The following CCSER2 variants were observed in gnomAD, a reference collection of about 807,000 sequenced individuals.
The protein encoded by CCSER2 is coiled-coil serine rich protein 2.
A neutral mutation model predicts 92.3 loss-of-function variants in CCSER2; 46 were observed. That is an observed-to-expected ratio of 0.50 (90% CI 0.39 to 0.64). The LOEUF is 0.64. Among genes scored for constraint, CCSER2 ranks in the 30% least tolerant of loss-of-function variants. The pLI is 0.00. For synonymous variants in CCSER2, 433 were observed against 431.4 expected, an observed-to-expected ratio of 1.00 and a Z score of -0.04; for missense variants, 1,244 against 1,238.9, an observed-to-expected ratio of 1.00 and a Z score of -0.06.
intron 5 of CCSER2, among the ~76,000 whole-genome samples, chr10:84,429,036 C>T (rs1448821079): frequency 2.1e-5 from 3 of 143,710 alleles, no homozygotes; most frequent in African/African-American, 8.1e-5. Context: ...AAATACTGGT[C>T]TGTAGTTTTG....
chr10:84,446,440 G>C (rs1197864779), intron 6 of CCSER2, among the ~76,000 whole-genome samples: 1 of 152,102 alleles, frequency 6.6e-6, no homozygotes, highest in Non-Finnish European at 1.5e-5. Flanking sequence ...AGTGGCAGTG[G>C]TAGGTGGTGG....
chr10:84,416,539 C>T (rs1016521234), intron 3 of CCSER2, among the ~76,000 whole-genome samples: 28 of 152,250 alleles, frequency 1.8e-4, no homozygotes, highest in African/African-American at 6.3e-4. Context: ...GAGGGCCCAA[C>T]ACAAAATTGA....
At chr10:84,420,180 G>C (rs1449998030) in intron 4 of CCSER2, among the ~76,000 whole-genome samples, 1 of 152,216 alleles carries the variant, frequency 6.6e-6, no homozygotes, top group Non-Finnish European at 1.5e-5. Flanking sequence ...GCAGACAACA[G>C]AAAGTTACCC....
chr10:84,438,394 GC>G, intron 5 of CCSER2, 117 bp from the exon 6 acceptor site: 1 of 626,534 alleles, frequency 1.6e-6, no homozygotes, highest in Non-Finnish European at 2.7e-6. Flanking sequence ...GGAAGTCAGA[GC>G]CATGGTGATA....
chr10:84,332,924 T>G (rs1462129582), intron 1 of CCSER2, among the ~76,000 whole-genome samples: 2 of 152,222 alleles, frequency 1.3e-5, no homozygotes, highest in Non-Finnish European at 2.9e-5. Flanking sequence ...CATTTTGTTA[T>G]GTATATATAT....
In CCSER2 at chr10:84,510,246, A is replaced by G. The variant is rs539963558; in HGVS notation, c.2326-3203A>G. Reference sequence around the variant, plus strand: ...CATGTACTAGCTCATTACACAGAATATTCTTCCCTTCTTGTTTATTTGATA... The same window carrying G: ...CATGTACTAGCTCATTACACAGAATGTTCTTCCCTTCTTGTTTATTTGATA... On this transcript the variant is annotated intron_variant, in intron 9 of 9. Transcript: ENST00000372088. Among the ~76,000 whole-genome samples, 9 of 152,276 alleles carry G rather than the reference A, an allele frequency of 5.9e-5. No individual in the cohort carries two copies. In the East Asian group the frequency reaches 1.7e-3, roughly 29 times the overall value.
At chr10:84,436,972 G>A (rs1239395417) in intron 5 of CCSER2, among the ~76,000 whole-genome samples, 1 of 152,092 alleles carries the variant, frequency 6.6e-6, no homozygotes, top group Non-Finnish European at 1.5e-5. Flanking sequence ...TGGAATTTTT[G>A]CACATTTAAT....
intron 8 of CCSER2, 51 bp from the exon 9 acceptor site, chr10:84,477,512 TTGTGTGTCTTGG>T: frequency 2.5e-6 from 2 of 800,332 alleles, no homozygotes; most frequent in African/African-American, 3.5e-5. Flanking sequence ...AAAGTTTCTC[TTGTGTGTCTTGG>T]TGTGTATATG....
intron 3 of CCSER2, among the ~76,000 whole-genome samples, chr10:84,416,533 G>C (rs1243586731): frequency 6.6e-6 from 1 of 152,056 alleles, no homozygotes; most frequent in East Asian, 1.9e-4. Flanking sequence ...TCTTTGGAGG[G>C]CCCAACACAA....
At chr10:84,504,963 C>T (rs1848965695) in intron 9 of CCSER2, among the ~76,000 whole-genome samples, 1 of 152,062 alleles carries the variant, frequency 6.6e-6, no homozygotes, top group Admixed American at 6.5e-5. Context: ...AATGACTCTT[C>T]CTTCAAAATG....
intron 6 of CCSER2, among the ~76,000 whole-genome samples, chr10:84,449,839 C>T (rs1845165053): frequency 6.6e-6 from 1 of 152,214 alleles, no homozygotes; most frequent in Admixed American, 6.5e-5. Flanking sequence ...AAGAGCAAAA[C>T]TCCGTCTCAA....
chr10:84,415,408 A>AAGGGCTGCTG (rs1842842895), intron 3 of CCSER2, among the ~76,000 whole-genome samples: 1 of 152,136 alleles, frequency 6.6e-6, no homozygotes, highest in South Asian at 2.1e-4. Context: ...TACTCCTCCA[A>AAGGGCTGCTG]AGGGCTGCTG....
chr10:84,358,864 C>T (rs943340081), intron 1 of CCSER2, among the ~76,000 whole-genome samples: 2 of 152,086 alleles, frequency 1.3e-5, no homozygotes, highest in Non-Finnish European at 2.9e-5. Flanking sequence ...TAATCGCTAA[C>T]ATTTTCCTTT....
chr10:84,382,998 T>TAGTCACAAGGTA (rs1288312691), intron 3 of CCSER2, among the ~76,000 whole-genome samples: 1 of 152,246 alleles, frequency 6.6e-6, no homozygotes, highest in Admixed American at 6.5e-5. Flanking sequence ...TTCTACCTTG[T>TAGTCACAAGGTA]GACTGATACA....
At chr10:84,391,040 C>T (rs928946747) in intron 3 of CCSER2, 2 of 776,664 alleles carry the variant, frequency 2.6e-6, no homozygotes, top group African/African-American at 3.4e-5. Context: ...TTAGCAGATT[C>T]AGTAGGACAT....
At chr10:84,410,969 A>G (rs909545160) in intron 3 of CCSER2, among the ~76,000 whole-genome samples, 3 of 152,086 alleles carry the variant, frequency 2.0e-5, no homozygotes, top group African/African-American at 4.8e-5. Context: ...TCCAGTTTCA[A>G]TTTTCTGCGT....
chr10:84,449,016 G>A (rs10887293), intron 6 of CCSER2, among the ~76,000 whole-genome samples: 7,063 of 152,210 alleles, frequency 0.046, 237 homozygotes, highest in East Asian at 0.16. Context: ...TTTAGTTGTG[G>A]AATAATTGGG....
At chr10:84,484,006 T>C (rs1402695226) in intron 9 of CCSER2, among the ~76,000 whole-genome samples, 3 of 133,050 alleles carry the variant, frequency 2.3e-5, no homozygotes. Context: ...TAATTTTTTT[T>C]TTTTTTTGAG....
In CCSER2 at chr10:84,518,298, C is replaced by G. The variant is rs937897699; in HGVS notation, c.*4031C>G. 2.6e-5 allele frequency: 4 copies of G among 152,538 alleles called. No individual in the cohort carries two copies. Among genetic ancestry groups the G allele is most frequent in the African/African-American group, 4.8e-5 (2 of 41,430 alleles). 9.4% of individuals were successfully genotyped at this position (152,538 alleles called of 1,614,324 possible). On this transcript the variant is annotated 3_prime_UTR_variant, in exon 10 of 10. Coordinates refer to ENST00000372088, the MANE Select transcript of CCSER2 (RefSeq NM_001284240.2). ...CACTTTCTCCTTGGTAAAGCGTTTACTTAACAAAATAATACCCGAGAATGT... is the reference window on the plus strand; with the variant it reads ...CACTTTCTCCTTGGTAAAGCGTTTAGTTAACAAAATAATACCCGAGAATGT...
Sources: gnomAD v4.1 joint callset for allele counts (sites outside exome capture counted in the v4.1 genomes callset) on GRCh38, gnomAD v4.1.1 for gene constraint, MANE v1.5 for transcripts, NCBI Gene and HGNC (gene_info 2026-07-23, HGNC 2026-07-21) for gene names.